The following TSPAN14 variants were observed in gnomAD, a reference collection of about 807,000 sequenced individuals.
The protein encoded by TSPAN14 is tetraspanin-14.
In TSPAN14, 16 loss-of-function variants were observed where a neutral mutation model predicts 36.6. That is an observed-to-expected ratio of 0.44 (90% CI 0.30 to 0.66). TSPAN14 has a LOEUF of 0.66. TSPAN14 is among the 30% of genes least tolerant of loss of function. The pLI is 0.12. For missense variants in TSPAN14, 231 were observed against 355.1 expected (o/e 0.65, Z 2.81); for synonymous variants, 139 against 143.8 (o/e 0.97, Z 0.24).
chr10:80,518,116 C>G, exon 9 of TSPAN14: 1 of 883,212 alleles, frequency 1.1e-6, no homozygotes, highest in South Asian at 1.6e-5. Context: ...GACGTGACCT[C>G]TCTGTTTCTG....
chr10:80,501,832 T>C (rs1257818195), intron 2 of TSPAN14, among the ~76,000 whole-genome samples: 1 of 152,194 alleles, frequency 6.6e-6, no homozygotes, highest in Admixed American at 6.5e-5. Flanking sequence ...AGGCAAGCAC[T>C]GTCCTGGTCT....
intron 1 of TSPAN14, among the ~76,000 whole-genome samples, chr10:80,471,266 G>A (rs765260640): frequency 1.3e-4 from 20 of 152,070 alleles, no homozygotes; most frequent in Non-Finnish European, 2.5e-4. Flanking sequence ...GTCTCCCACA[G>A]CAAAAGTCTT....
intron 1 of TSPAN14, among the ~76,000 whole-genome samples, chr10:80,472,762 T>A (rs1846628244): frequency 6.6e-6 from 1 of 152,266 alleles, no homozygotes; most frequent in Admixed American, 6.5e-5. Context: ...CATGAATTCT[T>A]ATTTTATTCA....
intron 2 of TSPAN14, among the ~76,000 whole-genome samples, chr10:80,503,324 G>T (rs1052274554): frequency 6.6e-6 from 1 of 152,166 alleles, no homozygotes; most frequent in Non-Finnish European, 1.5e-5. Flanking sequence ...CTACCCCCTT[G>T]GCTTGGTGCT....
intron 8 of TSPAN14, 115 bp downstream of exon 8, chr10:80,516,438 GA>G: frequency 5.6e-6 from 8 of 1,435,156 alleles, no homozygotes; most frequent in Admixed American, 2.0e-5. Context: ...GCTTGCAGAA[GA>G]AAAAAAGGGA....
At chr10:80,463,223 C>T (rs1048625022) in intron 1 of TSPAN14, 3 of 152,092 alleles carry the variant, frequency 2.0e-5, no homozygotes, top group Admixed American at 2.0e-4. Context: ...TAGGGAAACA[C>T]CAGAAGCTGC....
rs1304144439 is a variant in TSPAN14 at position 80,500,145 on chromosome 10, A to C, written c.82-4583A>C. On this transcript the variant is annotated intron_variant, in intron 2 of 8. Transcript: ENST00000429989. ...CACTTCCCCTGTCTAGTCCTCCCTC[A>C]ATCTCCTGGTCTCTGAAACCAGGTT... Among the ~76,000 whole-genome samples the C allele has an allele frequency of 4.6e-5, 7 of 151,866 alleles. No homozygotes were observed. The East Asian group carries it at 1.4e-3, about 29-fold the overall frequency.
chr10:80,479,433 G>A (rs976061898), intron 1 of TSPAN14, among the ~76,000 whole-genome samples: 17 of 152,034 alleles, frequency 1.1e-4, no homozygotes, highest in Non-Finnish European at 2.2e-4. Context: ...TAGGTCTAAC[G>A]TTTAAGTCTT....
intron 1 of TSPAN14, among the ~76,000 whole-genome samples, chr10:80,457,220 C>G (rs780786575): frequency 1.3e-5 from 2 of 151,756 alleles, no homozygotes; most frequent in Non-Finnish European, 2.9e-5. Flanking sequence ...GAGTCTCACT[C>G]TATTGCCCAG....
At chr10:80,488,662 G>C (rs1406044334) in intron 1 of TSPAN14, among the ~76,000 whole-genome samples, 4 of 152,104 alleles carry the variant, frequency 2.6e-5, no homozygotes. Flanking sequence ...TCCTCATCTT[G>C]GCTTTTCTTC....
intron 5 of TSPAN14, 27 bp from the exon 6 acceptor site, chr10:80,512,117 T>TAACA: frequency 6.2e-7 from 1 of 1,613,960 alleles, no homozygotes; most frequent in Non-Finnish European, 8.5e-7. Context: ...TTGGAGCCCC[T>TAACA]AACAGTTCTG....
intron 4 of TSPAN14, among the ~76,000 whole-genome samples, chr10:80,508,343 C>T (rs1037720593): frequency 5.3e-5 from 8 of 152,162 alleles, no homozygotes; most frequent in African/African-American, 1.4e-4. Flanking sequence ...TGGTCTCCAT[C>T]TCCTGACCTT....
chr10:80,509,148 C>CT lies in TSPAN14; in HGVS notation c.280-152dup, dbSNP rs1437938995. Reference sequence around the variant, plus strand: ...GTTGTGCAGAGTCACCCAGCTAACTCTAAGTGTGGGGTTCTGGGGCCCCGA... The same window carrying CT: ...GTTGTGCAGAGTCACCCAGCTAACTCTTAAGTGTGGGGTTCTGGGGCCCCGA... On this transcript the variant is annotated intron_variant, in intron 4 of 8. Transcript: ENST00000429989. This position sits in a 1 kb window ranked among gnomAD's most constrained non-coding sequence, Gnocchi z 4.7. Among the ~76,000 whole-genome samples the CT allele has an allele frequency of 3.9e-5, 6 of 152,170 alleles. No individual in the cohort carries two copies. The highest frequency in any genetic ancestry group is 6.5e-5 in the Admixed American group (1 of 15,278).
At chr10:80,489,355 T>G in intron 2 of TSPAN14, 41 bp downstream of exon 2, 2 of 1,290,046 alleles carry the variant, frequency 1.6e-6, no homozygotes, top group Non-Finnish European at 2.2e-6. Flanking sequence ...GTTTAGTCCT[T>G]CATTCAGTAA....
At position 80,462,868 on chromosome 10, in the gene TSPAN14, G is replaced by A. The variant is rs1051764172; in HGVS notation, c.-18+8497G>A. Reference sequence around the variant, plus strand: ...GATGTGTTCATAGCACTAGGACCTCGAGCTCCACTGATGACTGAGTGGGGA... The same window carrying A: ...GATGTGTTCATAGCACTAGGACCTCAAGCTCCACTGATGACTGAGTGGGGA... On this transcript the variant is annotated intron_variant, in intron 1 of 8. Coordinates refer to ENST00000429989, the Ensembl canonical transcript of TSPAN14. Among the ~76,000 whole-genome samples, 13 of 152,106 alleles carry A rather than the reference G, an allele frequency of 8.5e-5. No homozygotes were observed. In the East Asian group the frequency reaches 9.6e-4, roughly 11 times the overall value.
intron 1 of TSPAN14, among the ~76,000 whole-genome samples, chr10:80,487,242 G>C: frequency 6.6e-6 from 1 of 151,766 alleles, no homozygotes; most frequent in Non-Finnish European, 1.5e-5. Context: ...TCCCCAAGGG[G>C]ACTGCTGCAG....
intron 1 of TSPAN14, among the ~76,000 whole-genome samples, chr10:80,463,587 C>T (rs1589234694): frequency 6.6e-6 from 1 of 152,334 alleles, no homozygotes; most frequent in East Asian, 1.9e-4. Flanking sequence ...TTTTTAACAG[C>T]AGTGCATGAT....
chr10:80,473,108 A>G (rs1358412258), intron 1 of TSPAN14, among the ~76,000 whole-genome samples: 1 of 152,204 alleles, frequency 6.6e-6, no homozygotes, highest in African/African-American at 2.4e-5. Context: ...TCTTTGAACA[A>G]AGCCTCCTGT....
intron 2 of TSPAN14, among the ~76,000 whole-genome samples, chr10:80,503,218 C>T (rs1055425304): frequency 1.3e-5 from 2 of 152,034 alleles, no homozygotes; most frequent in South Asian, 2.1e-4. Context: ...AGGAAGCGGT[C>T]ATGCATTCTA....
Sources: gnomAD v4.1 joint callset for allele counts (sites outside exome capture counted in the v4.1 genomes callset) on GRCh38, gnomAD v4.1.1 for gene constraint, Gnocchi (gnomAD v3.1) non-coding constraint, MANE v1.5 for transcripts, NCBI Gene and HGNC (gene_info 2026-07-23, HGNC 2026-07-21) for gene names.